The following PNPT1 variants were observed in gnomAD, a reference collection of about 807,000 sequenced individuals.
PNPT1 encodes the protein polyribonucleotide nucleotidyltransferase 1.
PNPT1 carries 53 observed loss-of-function variants against 119.5 expected under a neutral mutation model. The observed-to-expected ratio is 0.44, with a 90% confidence interval of 0.36 to 0.56. PNPT1 has a LOEUF of 0.56. Ranked by LOEUF, PNPT1 falls within the 20% of genes least tolerant of loss-of-function variation. PNPT1 has a pLI of 0.00. For synonymous variants in PNPT1, 357 were observed against 322.1 expected, an observed-to-expected ratio of 1.11 and a Z score of -1.16; for missense variants, 948 against 938.5, an observed-to-expected ratio of 1.01 and a Z score of -0.13.
rs1696748185 is a variant in PNPT1 at position 55,666,892 on chromosome 2, C to A, written c.1176+99G>T. 7.0e-6 allele frequency: 5 copies of A among 718,492 alleles called. No homozygotes were observed. In the South Asian group the frequency reaches 8.3e-5, roughly 12 times the overall value. 44.5% of individuals were successfully genotyped at this position (718,492 alleles called of 1,614,324 possible). On this transcript the variant is annotated intron_variant, in intron 13 of 27. Coordinates refer to ENST00000447944, the MANE Select transcript of PNPT1 (RefSeq NM_033109.5). ...TATTAATTTAAATAAATAATATACA[C>A]CATATGACAAAACCTACAGCATCTA...
At chr2:55,646,107 C>T (rs1173282853) in intron 21 of PNPT1, 152 bp downstream of exon 21, 2 of 756,968 alleles carry the variant, frequency 2.6e-6, no homozygotes, top group Non-Finnish European at 4.2e-6. Context: ...GGATTACAGA[C>T]ATGAGCCACC....
chr2:55,667,182 C>T (rs1559101398), intron 12 of PNPT1, 89 bp from the exon 13 acceptor site: 5 of 923,018 alleles, frequency 5.4e-6, no homozygotes, highest in African/African-American at 1.7e-5. Context: ...TTCTCAACCT[C>T]AGTTGTGTAT....
chr2:55,636,225 T>TAA lies in PNPT1; in HGVS notation c.*10_*11dup, dbSNP rs35916020. ...CAAAATAGAATTCTAGAATTCTCTT[T>TAA]AAAAAAAAAAATCACTGAGAATTAG... On this transcript the variant is annotated 3_prime_UTR_variant, in exon 28 of 28. Coordinates refer to ENST00000447944, the MANE Select transcript of PNPT1 (RefSeq NM_033109.5). 6.9e-3 allele frequency: 9,147 copies of TAA among 1,328,460 alleles called. No homozygotes were observed. Among genetic ancestry groups the TAA allele is most frequent in the Non-Finnish European group, 7.7e-3 (7,458 of 967,828 alleles). 82.3% of individuals were successfully genotyped at this position (1,328,460 alleles called of 1,614,324 possible).
intron 27 of PNPT1, 94 bp downstream of exon 27, chr2:55,637,458 T>C (rs886246701): frequency 4.3e-6 from 5 of 1,162,302 alleles, no homozygotes; most frequent in Admixed American, 2.0e-5. Context: ...AAAAACTTCA[T>C]AGATGGTGAC....
At chr2:55,677,329 C>A (rs992063063) in intron 8 of PNPT1, among the ~76,000 whole-genome samples, 2 of 152,202 alleles carry the variant, frequency 1.3e-5, no homozygotes, top group Non-Finnish European at 2.9e-5. Flanking sequence ...TGCAGTGGCT[C>A]ACGCCTATAA....
intron 1 of PNPT1, among the ~76,000 whole-genome samples, chr2:55,693,068 T>G (rs1697672050): frequency 6.6e-6 from 1 of 152,186 alleles, no homozygotes; most frequent in Non-Finnish European, 1.5e-5. Context: ...TCTCTCCCTG[T>G]CCATCTCTTA....
At chr2:55,663,496 C>T (rs1055941202) in intron 13 of PNPT1, among the ~76,000 whole-genome samples, 2 of 152,084 alleles carry the variant, frequency 1.3e-5, no homozygotes, top group African/African-American at 4.8e-5. Context: ...TGGTGAAAGA[C>T]ATCAATGTAC....
intron 18 of PNPT1, among the ~76,000 whole-genome samples, chr2:55,651,339 A>G (rs929399001): frequency 6.6e-6 from 1 of 151,632 alleles, no homozygotes; most frequent in African/African-American, 2.4e-5. Flanking sequence ...GAAAGGGGGG[A>G]AAGGTGGGGA....
chr2:55,693,606 C>T, intron 1 of PNPT1, 57 bp downstream of exon 1: 1 of 1,595,704 alleles, frequency 6.3e-7, no homozygotes, highest in Non-Finnish European at 8.6e-7. Context: ...TGAATACGCT[C>T]AAGCTGGCTG....
chr2:55,686,192 T>A (rs1697401094), intron 3 of PNPT1, among the ~76,000 whole-genome samples, 178 bp downstream of exon 3: 1 of 152,240 alleles, frequency 6.6e-6, no homozygotes, highest in East Asian at 1.9e-4. Flanking sequence ...TGCTTAATCC[T>A]AGTATTTGTT....
chr2:55,669,627 C>T (rs1696842718), intron 11 of PNPT1, among the ~76,000 whole-genome samples: 1 of 152,146 alleles, frequency 6.6e-6, no homozygotes, highest in South Asian at 2.1e-4. Flanking sequence ...AACAAAAAGT[C>T]ACTATTCTTT....
intron 10 of PNPT1, 76 bp from the exon 11 acceptor site, chr2:55,671,452 A>G: frequency 1.2e-6 from 1 of 857,786 alleles, no homozygotes; most frequent in Non-Finnish European, 1.8e-6. Flanking sequence ...TTATTATACA[A>G]TGAACACATT....
chr2:55,644,895 C>G (rs1170516352), intron 22 of PNPT1, 175 bp from the exon 23 acceptor site: 1 of 449,404 alleles, frequency 2.2e-6, no homozygotes, highest in Non-Finnish European at 3.9e-6. Flanking sequence ...AGAATATTCC[C>G]TAAAATTTAA....
chr2:55,689,848 G>A (rs779871313), intron 1 of PNPT1, among the ~76,000 whole-genome samples: 18 of 152,250 alleles, frequency 1.2e-4, no homozygotes, highest in Non-Finnish European at 2.2e-4. Flanking sequence ...TTGAGATAGG[G>A]TCTTGCTCTG....
intron 14 of PNPT1, among the ~76,000 whole-genome samples, chr2:55,661,485 T>C (rs1696575439): frequency 6.6e-6 from 1 of 152,142 alleles, no homozygotes; most frequent in African/African-American, 2.4e-5. Context: ...ACTGTTGACT[T>C]TTTAGGGGCA....
chr2:55,683,854 C>A lies in PNPT1; in HGVS notation c.404-20G>T. ...AACGATCTGCCAAAAGAAAAAAAAA[C>A]ACATTAAACCGTACTGACAGAGTTG... On this transcript the variant is annotated intron_variant, in intron 4 of 27. Transcript: ENST00000447944. 1.2e-6 allele frequency: 2 copies of A among 1,606,382 alleles called. No individual in the cohort carries two copies. Among genetic ancestry groups the A allele is most frequent in the Middle Eastern group, 1.7e-4 (1 of 6,000 alleles).
intron 11 of PNPT1, among the ~76,000 whole-genome samples, chr2:55,668,534 G>A (rs1031837497): frequency 6.6e-5 from 10 of 151,944 alleles, no homozygotes; most frequent in African/African-American, 1.2e-4. Context: ...CAATGCGCCC[G>A]GCCCATCAGT....
At chr2:55,670,218 G>A (rs868395547) in intron 11 of PNPT1, among the ~76,000 whole-genome samples, 5 of 151,640 alleles carry the variant, frequency 3.3e-5, no homozygotes, top group African/African-American at 7.3e-5. Context: ...ACAGAGTCTC[G>A]CTCCGTTGCC....
chr2:55,667,339 A>G (rs1053002285), intron 12 of PNPT1, among the ~76,000 whole-genome samples: 1 of 152,202 alleles, frequency 6.6e-6, no homozygotes, highest in African/African-American at 2.4e-5. Context: ...TCATGCCTAT[A>G]ATTCCAGCAC....
Sources: gnomAD v4.1 joint callset for allele counts (sites outside exome capture counted in the v4.1 genomes callset) on GRCh38, gnomAD v4.1.1 for gene constraint, MANE v1.5 for transcripts, NCBI Gene and HGNC (gene_info 2026-07-23, HGNC 2026-07-21) for gene names.